AKAP13: variants seen among roughly 807,000 people sequenced by gnomAD.
AKAP13 encodes A-kinase anchor protein 13.
AKAP13 carries 80 observed loss-of-function variants against 264.5 expected under a neutral mutation model. The observed-to-expected ratio is 0.30, with a 90% CI of 0.25 to 0.36. The LOEUF (loss-of-function observed/expected upper bound fraction) is 0.36. Ranked by LOEUF, AKAP13 falls within the 10% of genes least tolerant of loss-of-function variation. The probability of loss-of-function intolerance (pLI) is 1.00; values close to 1 mark genes in which losing one functional copy is unlikely to be tolerated. For synonymous variants in AKAP13, 1,380 were observed against 1,250.2 expected (o/e 1.10, Z -2.19); for missense variants, 3,712 against 3,435.2 (o/e 1.08, Z -2.01).
chr15:85,651,789 G>A (rs1196467482), intron 10 of AKAP13, among the ~76,000 whole-genome samples: 2 of 151,998 alleles, frequency 1.3e-5, no homozygotes, highest in African/African-American at 4.8e-5. Context: ...TTTTCCCACC[G>A]CAGATTAGTT....
At position 85,579,108 on chromosome 15, in the gene AKAP13, T is replaced by C; in HGVS notation, c.1040T>C (p.Val347Ala). The change falls in exon 7 of 37, where the codon GTT becomes GCT. Residue 347 changes from valine (V) to alanine (A), a missense_variant. Physicochemically the swap from Val to Ala is moderately conservative, Grantham distance 64. Coordinates refer to ENST00000394518, the MANE Select transcript of AKAP13 (RefSeq NM_007200.5). Reference sequence around the variant, plus strand: ...ACTCAGTGCTGCCCAGGGAGCCCTGTTGCACAGACTGAAAGTCCCTGTGAT... The same window carrying C: ...ACTCAGTGCTGCCCAGGGAGCCCTGCTGCACAGACTGAAAGTCCCTGTGAT... ...ESTQCCPGSPVAQTESPCDLS... is the reference protein window; with the variant it reads ...ESTQCCPGSPAAQTESPCDLS... 3 of 1,614,132 alleles carry C rather than the reference T, an allele frequency of 1.9e-6. No homozygotes were observed. Among genetic ancestry groups the C allele is most frequent in the Non-Finnish European group, 1.7e-6 (2 of 1,180,022 alleles).
At chr15:85,529,607 AC>A (rs767586750) in intron 3 of AKAP13, among the ~76,000 whole-genome samples, 3 of 152,078 alleles carry the variant, frequency 2.0e-5, no homozygotes, top group Non-Finnish European at 4.4e-5. Context: ...ATGCTGATTT[AC>A]CCCCCAGGTG....
chr15:85,665,724 C>A (rs1175641851), intron 13 of AKAP13, among the ~76,000 whole-genome samples: 1 of 152,060 alleles, frequency 6.6e-6, no homozygotes, highest in South Asian at 2.1e-4. Context: ...TTCCCCGCCC[C>A]GTGTCCAAGT....
At chr15:85,523,652 T>C (rs1221194576) in intron 3 of AKAP13, among the ~76,000 whole-genome samples, 3 of 152,156 alleles carry the variant, frequency 2.0e-5, no homozygotes, top group Non-Finnish European at 4.4e-5. Flanking sequence ...CTTTGTTTGG[T>C]TTCTTCACTG....
At chr15:85,453,899 C>T (rs1182788150) in intron 1 of AKAP13, among the ~76,000 whole-genome samples, 1 of 151,874 alleles carries the variant, frequency 6.6e-6, no homozygotes, top group African/African-American at 2.4e-5. Context: ...AACAGCCTGG[C>T]CACGTTTGGG....
intron 8 of AKAP13, 152 bp from the exon 9 acceptor site, chr15:85,639,222 G>GAA: frequency 1.8e-6 from 1 of 555,164 alleles, no homozygotes; most frequent in Non-Finnish European, 3.2e-6. Context: ...GTAATATTGT[G>GAA]AAAAAAAAAT....
chr15:85,388,146 G>A (rs747579279), intron 1 of AKAP13, among the ~76,000 whole-genome samples: 3 of 151,092 alleles, frequency 2.0e-5, no homozygotes, highest in South Asian at 2.1e-4. Flanking sequence ...AGTGATTCTC[G>A]TGCCTCAGCC....
intron 30 of AKAP13, among the ~76,000 whole-genome samples, chr15:85,731,270 G>C (rs765127810): frequency 6.6e-6 from 1 of 151,966 alleles, no homozygotes; most frequent in Non-Finnish European, 1.5e-5. Context: ...CCTCTCAAAG[G>C]GCTGATATTA....
intron 14 of AKAP13, among the ~76,000 whole-genome samples, chr15:85,678,765 A>T (rs1429165238): frequency 2.0e-5 from 3 of 152,102 alleles, no homozygotes; most frequent in Middle Eastern, 3.2e-3. Context: ...GTTACTTGGG[A>T]GGCTGAGGCA....
chr15:85,428,365 A>T (rs1352747293), intron 1 of AKAP13, among the ~76,000 whole-genome samples: 3 of 151,892 alleles, frequency 2.0e-5, no homozygotes, highest in Non-Finnish European at 4.4e-5. Context: ...ACACCTGGCT[A>T]ATTTTGTATT....
At chr15:85,738,545 C>T (rs2088709405) in intron 33 of AKAP13, among the ~76,000 whole-genome samples, 1 of 151,660 alleles carries the variant, frequency 6.6e-6, no homozygotes, top group Non-Finnish European at 1.5e-5. Flanking sequence ...AAACATAATC[C>T]CACCACTGAA....
At chr15:85,393,063 C>G (rs1435732427) in intron 1 of AKAP13, among the ~76,000 whole-genome samples, 2 of 152,144 alleles carry the variant, frequency 1.3e-5, no homozygotes, top group Admixed American at 1.3e-4. Context: ...AATCTATCAT[C>G]CTTGTCTTGG....
intron 1 of AKAP13, among the ~76,000 whole-genome samples, chr15:85,425,838 C>G (rs2072751922): frequency 6.6e-6 from 1 of 151,052 alleles, no homozygotes; most frequent in Non-Finnish European, 1.5e-5. Context: ...AGATAAATTT[C>G]CTTGAGCAGA....
chr15:85,579,246 C>G lies in AKAP13; in HGVS notation c.1178C>G (p.Thr393Ser). ...CCAGCACCTATTGTGGACTCTGGAA[C>G]TGTATCTGATCAAGACAGCTGCCTT... ...VEPAPIVDSG[T>S]VSDQDSCLQS... Residue 393 changes from threonine to serine, a missense_variant, in exon 7 of 37, where the codon ACT (threonine) becomes AGT (serine). Around this residue, in one of 3 missense-constraint regions of AKAP13, gnomAD observed 2,759 missense variants for 2,411.7 expected, o/e 1.14. Coordinates refer to ENST00000394518, the MANE Select transcript of AKAP13 (RefSeq NM_007200.5). 1 of 1,614,212 alleles carries G rather than the reference C, an allele frequency of 6.2e-7. No homozygotes were observed. The highest frequency in any genetic ancestry group is 1.3e-5 in the African/African-American group (1 of 75,050).
chr15:85,509,268 A>G lies in AKAP13; in HGVS notation c.34-12160A>G, dbSNP rs1442929491. On this transcript the variant is annotated intron_variant, in intron 2 of 36. Coordinates refer to ENST00000394518, the MANE Select transcript of AKAP13 (RefSeq NM_007200.5). Reference sequence around the variant, plus strand: ...GCCTCCATTTTTATATTTCACTACCATGTGTGGCGGCTGATACCTTGTTAC... The same window carrying G: ...GCCTCCATTTTTATATTTCACTACCGTGTGTGGCGGCTGATACCTTGTTAC... 3.3e-5 allele frequency among the ~76,000 whole-genome samples: 5 copies of G among 152,224 alleles called. No homozygotes were observed. In the South Asian group the frequency reaches 8.3e-4, roughly 25 times the overall value.
At chr15:85,444,838 C>G (rs2073844985) in intron 1 of AKAP13, among the ~76,000 whole-genome samples, 1 of 152,140 alleles carries the variant, frequency 6.6e-6, no homozygotes, top group African/African-American at 2.4e-5. Context: ...GCTTTCTCTC[C>G]TAGCCCCTTT....
chr15:85,529,832 A>G (rs2077192370), intron 3 of AKAP13, among the ~76,000 whole-genome samples: 1 of 152,256 alleles, frequency 6.6e-6, no homozygotes, highest in Admixed American at 6.5e-5. Context: ...TTCCCCACTC[A>G]TCTTTTAACC....
intron 1 of AKAP13, among the ~76,000 whole-genome samples, chr15:85,385,234 A>G (rs1057177230): frequency 6.6e-6 from 1 of 152,242 alleles, no homozygotes; most frequent in Admixed American, 6.5e-5. Flanking sequence ...CGTTAATTCT[A>G]TAATATTATT....
At chr15:85,483,632 CAAA>C (rs35648447) in intron 1 of AKAP13, among the ~76,000 whole-genome samples, 3 of 57,998 alleles carry the variant, frequency 5.2e-5, no homozygotes, top group Non-Finnish European at 9.3e-5. Flanking sequence ...GACTCCGTCT[CAAA>C]AAAAAAAAAA....
Sources: allele counts gnomAD v4.1 joint callset (sites outside exome capture counted in the v4.1 genomes callset), GRCh38; gene constraint gnomAD v4.1.1; regional missense constraint gnomAD v4.1.1; transcripts MANE v1.5; gene names NCBI Gene and HGNC (gene_info 2026-07-23, HGNC 2026-07-21).